Variants in BCOR observed in about 807,000 individuals in gnomAD.
The protein encoded by BCOR is BCL6 corepressor.
BCOR carries 10 observed loss-of-function variants against 86.7 expected under a neutral mutation model. That is an observed-to-expected ratio of 0.12 (90% CI 0.07 to 0.20). The LOEUF (loss-of-function observed/expected upper bound fraction) is 0.20, where lower values mean the gene tolerates loss of function less well. Ranked by LOEUF, BCOR falls within the 10% of genes least tolerant of loss-of-function variation. BCOR has a pLI of 1.00. For missense variants in BCOR, 1,259 were observed against 1,452.1 expected, an observed-to-expected ratio of 0.87 and a Z score of 2.16; for synonymous variants, 611 against 609.0, an observed-to-expected ratio of 1.00 and a Z score of -0.05.
intron 1 of BCOR, among the ~76,000 whole-genome samples, chrX:40,175,708 T>C (rs1317543412): frequency 8.9e-6 from 1 of 112,534 alleles, no homozygotes; most frequent in African/African-American, 3.2e-5. Flanking sequence ...GGGTGCAGCG[T>C]CTGGGGACGC....
At position 40,097,565 on chromosome X, in the gene BCOR, G is replaced by C. The variant is rs1254634271; in HGVS notation, c.-391C>G. On this transcript the variant is annotated 5_prime_UTR_variant, in exon 1 of 15. Coordinates refer to ENST00000378444, the MANE Select transcript of BCOR (RefSeq NM_001123385.2). ...GGGGCGGGGCGGGCTCGGGGCCTCC[G>C]GGCAGGTGGCGACAGCCCCGTGCGA... is the stretch of plus-strand genomic sequence containing the variant. Among the ~76,000 whole-genome samples the C allele has an allele frequency of 2.7e-5, 3 of 110,736 alleles. No homozygotes were observed. Among genetic ancestry groups the C allele is most frequent in the Admixed American group, 9.3e-5 (1 of 10,715 alleles).
chrX:40,139,491 A>T lies in BCOR; in HGVS notation c.-41+37516T>A, dbSNP rs1320121388. ...TATATATATATATATATATATATAT[A>T]TATATATTTTTTTTTTTTTTTAAGC... is the stretch of plus-strand genomic sequence containing the variant. On this transcript the variant is annotated intron_variant, in intron 1 of 14. Coordinates refer to the BCOR transcript ENST00000342274. 8.5e-4 allele frequency among the ~76,000 whole-genome samples: 7 copies of T among 8,276 alleles called. 1 individual carries two copies. Among genetic ancestry groups the T allele is most frequent in the African/African-American group, 4.1e-3 (6 of 1,461 alleles). The allele number at this position is 8,276 out of a possible 115,157, so 7.2% of individuals were successfully genotyped here.
intron 1 of BCOR, among the ~76,000 whole-genome samples, chrX:40,153,351 T>A (rs1446795705): frequency 3.6e-5 from 4 of 112,057 alleles, no homozygotes; most frequent in African/African-American, 1.3e-4. Context: ...ACAGCTGAAA[T>A]GTCTTTGGTC....
intron 1 of BCOR, among the ~76,000 whole-genome samples, chrX:40,113,628 C>A (rs1476540692): frequency 3.6e-5 from 4 of 110,500 alleles, no homozygotes; most frequent in Non-Finnish European, 7.6e-5. Flanking sequence ...CATAATGGTA[C>A]AGTGTATCAT....
intron 1 of BCOR, among the ~76,000 whole-genome samples, chrX:40,170,269 C>A (rs1938591515): frequency 8.9e-6 from 1 of 111,950 alleles, no homozygotes; most frequent in Non-Finnish European, 1.9e-5. Context: ...TACCAACGGG[C>A]ATCTCTTCTG....
intron 1 of BCOR, among the ~76,000 whole-genome samples, chrX:40,166,198 C>T (rs1843920292): frequency 9.0e-6 from 1 of 111,627 alleles, no homozygotes; most frequent in African/African-American, 3.3e-5. Flanking sequence ...TGCCAGGTCC[C>T]GGGCCGGGCC....
intron 1 of BCOR, among the ~76,000 whole-genome samples, chrX:40,096,876 G>A (rs1159906538): frequency 3.9e-5 from 4 of 102,511 alleles, no homozygotes; most frequent in African/African-American, 1.4e-4. Flanking sequence ...GCTCAGCGGC[G>A]ACCGCGCTCC....
At chrX:40,165,721 T>C (rs762547838) in intron 1 of BCOR, among the ~76,000 whole-genome samples, 1 of 112,297 alleles carries the variant, frequency 8.9e-6, no homozygotes, top group African/African-American at 3.2e-5. Flanking sequence ...ATTCAAACAA[T>C]ATCAGTCCAA....
At chrX:40,159,475 T>C (rs1484340789) in intron 1 of BCOR, among the ~76,000 whole-genome samples, 3 of 112,351 alleles carry the variant, frequency 2.7e-5, no homozygotes, top group African/African-American at 9.7e-5. Context: ...GCCTCCCGAG[T>C]AGCTGGGACT....
chrX:40,087,383 T>C (rs1936408052), intron 1 of BCOR, among the ~76,000 whole-genome samples: 1 of 113,226 alleles, frequency 8.8e-6, no homozygotes, highest in African/African-American at 3.2e-5. Context: ...TAAATAAGCA[T>C]ACAAGGCTCA....
intron 1 of BCOR, among the ~76,000 whole-genome samples, chrX:40,165,217 G>A (rs1938489553): frequency 1.8e-5 from 2 of 111,928 alleles, no homozygotes; most frequent in Non-Finnish European, 3.8e-5. Context: ...GGGGATGAGA[G>A]GTGGGGAGCT....
intron 1 of BCOR, among the ~76,000 whole-genome samples, chrX:40,112,251 C>G (rs1171749491): frequency 9.0e-6 from 1 of 111,387 alleles, no homozygotes; most frequent in Non-Finnish European, 1.9e-5. Flanking sequence ...CCAGTCTCAT[C>G]CAGGTTTATG....
At chrX:40,096,496 C>G (rs910417219) in intron 1 of BCOR, among the ~76,000 whole-genome samples, 1 of 107,051 alleles carries the variant, frequency 9.3e-6, no homozygotes, top group Non-Finnish European at 1.9e-5. Flanking sequence ...ACCCCTTGCT[C>G]TGCTCGATTT....
At chrX:40,147,683 G>A (rs993553928) in intron 1 of BCOR, among the ~76,000 whole-genome samples, 2 of 113,398 alleles carry the variant, frequency 1.8e-5, no homozygotes, top group Non-Finnish European at 3.7e-5. Context: ...GACAAAGCGG[G>A]AGTAGAGAGC....
chrX:40,116,009 G>A (rs1047153766), intron 1 of BCOR, among the ~76,000 whole-genome samples: 3 of 111,163 alleles, frequency 2.7e-5, no homozygotes, highest in Admixed American at 9.6e-5. Context: ...GGTAGTTCAC[G>A]AAGGGATAAC....
chrX:40,142,256 G>A (rs917020939), intron 1 of BCOR, among the ~76,000 whole-genome samples: 1 of 112,283 alleles, frequency 8.9e-6, no homozygotes, highest in South Asian at 3.7e-4. Context: ...CTGGGTTCTG[G>A]TCTCTTTTGC....
In BCOR at chrX:40,053,904, T is replaced by C. The variant is rs752096966; in HGVS notation, c.4958A>G (p.Gln1653Arg). The change falls in exon 14 of 15, where the codon CAA (glutamine) becomes CGA (arginine). Residue 1653 changes from glutamine (Q) to arginine (R), a missense_variant. Around this residue, in one of 7 missense-constraint regions of BCOR, gnomAD observed 137 missense variants for 149.8 expected, o/e 0.91. Coordinates refer to ENST00000378444, the MANE Select transcript of BCOR (RefSeq NM_001123385.2). ...ETPLLPCYNI[Q>R]VSVAQGPRNW... Reference sequence around the variant, plus strand: ...TGCTCACCCCTGAGCCACAGATACTTGGATGTTATAACACGGTAAGAGGGG... The same window carrying C: ...TGCTCACCCCTGAGCCACAGATACTCGGATGTTATAACACGGTAAGAGGGG... 1 of 1,211,391 alleles carries C rather than the reference T, an allele frequency of 8.3e-7. No homozygotes were observed. Among genetic ancestry groups the C allele is most frequent in the Admixed American group, 2.2e-5 (1 of 45,970 alleles).
Position 40,076,462 on chromosome X carries a change from G to T in BCOR, c.157C>A (p.His53Asn). The T allele has an allele frequency of 1.7e-6, 2 of 1,196,789 alleles. No homozygotes were observed. The highest frequency in any genetic ancestry group is 3.0e-5 in the East Asian group (1 of 33,685). The part of the protein sequence containing the change: ...LELREENPLN[H>N]NVVDASTAHR... ...AGCTATTAATCTCTTACCACGTTGT[G>T]GTTCAAGGGATTCTCTTCCCTCAGT... The change falls in exon 3 of 15, where the codon CAC (histidine) becomes AAC (asparagine). Residue 53 changes from histidine (H) to asparagine (N), a missense_variant. His to Asn is a moderately conservative substitution (Grantham distance 68, BLOSUM62 1). Transcript: ENST00000378444.
rs1262096807 is a variant in BCOR, at chrX:40,176,780, G to A, written c.-41+227C>T. Among the ~76,000 whole-genome samples, 7 of 105,297 alleles carry A rather than the reference G, an allele frequency of 6.6e-5. No individual in the cohort carries two copies. The East Asian group carries it at 2.0e-3, about 30-fold the overall frequency. The allele number at this position is 105,297 out of a possible 115,157, so 91.4% of individuals were successfully genotyped here. On this transcript the variant is annotated intron_variant, in intron 1 of 14. Coordinates refer to the BCOR transcript ENST00000342274. ...AGAGCCGCCGCCCCGCGCCACCCCC[G>A]CCCGGCCCGGCCCTTGTCCCAGCCC...
Sources: allele counts gnomAD v4.1 joint callset (sites outside exome capture counted in the v4.1 genomes callset), GRCh38; gene constraint gnomAD v4.1.1; regional missense constraint gnomAD v4.1.1; transcripts MANE v1.5; gene names NCBI Gene and HGNC (gene_info 2026-07-23, HGNC 2026-07-21).